Variants in WDR7 observed in about 807,000 individuals in gnomAD.
WDR7 encodes the protein WD repeat domain 7.
Under a neutral mutation model 169.4 loss-of-function variants are expected in WDR7, and 46 were observed. The ratio of observed to expected loss-of-function variants is 0.27; its 90% confidence interval spans 0.21 to 0.35. WDR7 has a LOEUF of 0.35. Ranked by LOEUF, WDR7 falls within the 10% of genes least tolerant of loss-of-function variation. WDR7 has a pLI of 1.00. For synonymous variants in WDR7, 612 were observed against 666.8 expected (o/e 0.92, Z 1.27); for missense variants, 1,534 against 1,859.3 (o/e 0.83, Z 3.22).
At chr18:56,719,020 T>G (rs1344891949) in intron 13 of WDR7, among the ~76,000 whole-genome samples, 1 of 152,228 alleles carries the variant, frequency 6.6e-6, no homozygotes, top group Non-Finnish European at 1.5e-5. Context: ...TGTCTTCATT[T>G]TAACTGGTAG....
At chr18:56,737,303 C>A (rs536851024) in intron 14 of WDR7, among the ~76,000 whole-genome samples, 1 of 152,160 alleles carries the variant, frequency 6.6e-6, no homozygotes, top group South Asian at 2.1e-4. Flanking sequence ...TCTCATAAAG[C>A]ATTTGCTACA....
At chr18:56,965,449 T>TA (rs1452384674) in intron 26 of WDR7, among the ~76,000 whole-genome samples, 1 of 149,762 alleles carries the variant, frequency 6.7e-6, no homozygotes, top group African/African-American at 2.5e-5. Flanking sequence ...TTTTTTTTTT[T>TA]AATCTGTTTT....
At chr18:56,933,165 G>T (rs1418294929) in intron 22 of WDR7, among the ~76,000 whole-genome samples, 1 of 152,112 alleles carries the variant, frequency 6.6e-6, no homozygotes, top group African/African-American at 2.4e-5. Context: ...TATATCCACG[G>T]GGAGGGCAGA....
At chr18:56,773,304 A>G (rs2044192349) in intron 16 of WDR7, among the ~76,000 whole-genome samples, 1 of 151,894 alleles carries the variant, frequency 6.6e-6, no homozygotes, top group Admixed American at 6.6e-5. Flanking sequence ...TATGATTACT[A>G]CACATACAAG....
intron 22 of WDR7, 32 bp from the exon 23 acceptor site, chr18:56,935,756 T>C (rs2046951733): frequency 1.1e-5 from 17 of 1,597,870 alleles, no homozygotes; most frequent in South Asian, 3.3e-5. Context: ...ATGCTTCTTT[T>C]CTTTTTTTCC....
intron 26 of WDR7, among the ~76,000 whole-genome samples, chr18:56,982,631 T>TAAAAATCAA (rs1290180311): frequency 4.6e-5 from 7 of 152,224 alleles, no homozygotes; most frequent in Admixed American, 2.0e-4. Flanking sequence ...GGTTTGGCAT[T>TAAAAATCAA]GATTTTAAAT....
chr18:56,936,033 G>A, intron 23 of WDR7, 128 bp downstream of exon 23: 1 of 848,222 alleles, frequency 1.2e-6, no homozygotes, highest in South Asian at 1.8e-5. Flanking sequence ...TAATAATTTA[G>A]TACTGAAATG....
At chr18:56,814,740 G>T (rs982914474) in intron 19 of WDR7, among the ~76,000 whole-genome samples, 2 of 151,566 alleles carry the variant, frequency 1.3e-5, no homozygotes, top group Non-Finnish European at 2.9e-5. Flanking sequence ...CCCCCACGAC[G>T]TGCAATTTAC....
chr18:56,903,276 G>T (rs1236147437), intron 21 of WDR7, among the ~76,000 whole-genome samples: 2 of 152,038 alleles, frequency 1.3e-5, no homozygotes, highest in Non-Finnish European at 2.9e-5. Context: ...GTTGTAATTA[G>T]TTCGGTATTA....
intron 14 of WDR7, among the ~76,000 whole-genome samples, chr18:56,733,259 T>G (rs2026627138): frequency 6.6e-6 from 1 of 152,182 alleles, no homozygotes; most frequent in African/African-American, 2.4e-5. Context: ...AAGCTGAAGC[T>G]GCAGGAGGAT....
chr18:56,975,276 G>T (rs1250615749), intron 26 of WDR7, among the ~76,000 whole-genome samples: 2 of 152,170 alleles, frequency 1.3e-5, no homozygotes, highest in African/African-American at 4.8e-5. Flanking sequence ...TGATCCCTGA[G>T]TAGGTGTTCT....
intron 18 of WDR7, 112 bp from the exon 19 acceptor site, chr18:56,781,421 A>G (rs1480298860): frequency 1.7e-6 from 2 of 1,177,010 alleles, no homozygotes; most frequent in Middle Eastern, 2.2e-4. Context: ...ATGTAAATAA[A>G]TATGGTTTTT....
At chr18:56,857,151 T>C (rs773500230) in intron 20 of WDR7, among the ~76,000 whole-genome samples, 26 of 152,334 alleles carry the variant, frequency 1.7e-4, no homozygotes, top group Non-Finnish European at 3.1e-4. Flanking sequence ...CCTTTCTGTG[T>C]TTTTTATACT....
intron 14 of WDR7, among the ~76,000 whole-genome samples, chr18:56,734,177 T>A (rs1282437188): frequency 1.3e-5 from 2 of 152,168 alleles, no homozygotes; most frequent in Non-Finnish European, 2.9e-5. Context: ...TGAGTGAAGT[T>A]GTGTAGATAT....
chr18:56,950,584 T>C (rs2047167441), intron 25 of WDR7, among the ~76,000 whole-genome samples: 1 of 152,206 alleles, frequency 6.6e-6, no homozygotes, highest in Non-Finnish European at 1.5e-5. Flanking sequence ...ATATTTTTTC[T>C]TTCTTAAAAC....
rs1181099753 is a variant in WDR7, at chr18:56,651,419, ACGG to A, written c.-172_-170del. 1 of 152,994 alleles carries A rather than the reference ACGG, an allele frequency of 6.5e-6. No homozygotes were observed. Among genetic ancestry groups the A allele is most frequent in the African/African-American group, 2.4e-5 (1 of 41,316 alleles). 9.5% of individuals were successfully genotyped at this position (152,994 alleles called of 1,614,324 possible). On this transcript the variant is annotated 5_prime_UTR_variant, in exon 1 of 28. Coordinates refer to ENST00000254442, the MANE Select transcript of WDR7 (RefSeq NM_015285.3). ...GGCACCTTGCAGTATCACTGGGGAGACGGCGGCTGTATAGCGCTTGCCGCCCCA... is the reference window on the plus strand; with the variant it reads ...GGCACCTTGCAGTATCACTGGGGAGACGGCTGTATAGCGCTTGCCGCCCCA...
intron 26 of WDR7, among the ~76,000 whole-genome samples, chr18:56,978,800 G>T (rs1337750825): frequency 2.6e-5 from 4 of 152,142 alleles, no homozygotes; most frequent in Admixed American, 1.3e-4. Flanking sequence ...AATCTTTAAT[G>T]CAGGGACACA....
intron 21 of WDR7, among the ~76,000 whole-genome samples, chr18:56,907,395 C>T (rs1261728516): frequency 6.6e-6 from 1 of 152,044 alleles, no homozygotes; most frequent in East Asian, 1.9e-4. Context: ...CTTCTATTAC[C>T]ATGGAGGGAA....
At chr18:56,688,158 T>C (rs1431757485) in intron 7 of WDR7, among the ~76,000 whole-genome samples, 2 of 152,088 alleles carry the variant, frequency 1.3e-5, no homozygotes, top group African/African-American at 4.8e-5. Context: ...AGTTACAACA[T>C]GGGTATCTGA....
Sources: allele counts gnomAD v4.1 joint callset (sites outside exome capture counted in the v4.1 genomes callset), GRCh38; gene constraint gnomAD v4.1.1; transcripts MANE v1.5; gene names NCBI Gene and HGNC (gene_info 2026-07-23, HGNC 2026-07-21).